Variants in PLCH1 observed in about 807,000 individuals in gnomAD.
PLCH1 encodes phospholipase C eta 1.
A neutral mutation model predicts 126.7 loss-of-function variants in PLCH1; 60 were observed. That is an observed-to-expected ratio of 0.47 (90% CI 0.38 to 0.59). The LOEUF (loss-of-function observed/expected upper bound fraction) is 0.59. PLCH1 is among the 20% of genes least tolerant of loss of function. The pLI, the probability that PLCH1 is intolerant of heterozygous loss-of-function variation, is 0.00. For missense variants in PLCH1, 1,723 were observed against 2,040.0 expected (o/e 0.84, Z 2.99); for synonymous variants, 719 against 734.9 (o/e 0.98, Z 0.35).
At chr3:155,469,423 C>T (rs1304553520) in intron 21 of PLCH1, among the ~76,000 whole-genome samples, 7 of 152,214 alleles carry the variant, frequency 4.6e-5, no homozygotes, top group Non-Finnish European at 1.0e-4. Flanking sequence ...TCGGAGGGTC[C>T]TACGCCCATG....
chr3:155,729,835 G>A (rs1487110264), intron 1 of PLCH1, among the ~76,000 whole-genome samples: 1 of 150,264 alleles, frequency 6.7e-6, no homozygotes, highest in Non-Finnish European at 1.5e-5. Flanking sequence ...GGAGTGGGAG[G>A]ATCACTTGAG....
At chr3:155,561,972 C>T (rs900564044) in intron 8 of PLCH1, among the ~76,000 whole-genome samples, 1 of 152,016 alleles carries the variant, frequency 6.6e-6, no homozygotes, top group Non-Finnish European at 1.5e-5. Context: ...AGTAGAGATG[C>T]GGTTTCACCA....
intron 2 of PLCH1, among the ~76,000 whole-genome samples, chr3:155,685,147 A>G (rs867990986): frequency 6.6e-6 from 1 of 152,164 alleles, no homozygotes; most frequent in Non-Finnish European, 1.5e-5. Flanking sequence ...TAGTTTTCCA[A>G]TTGTCGGAAG....
Position 155,512,058 on chromosome 3 carries a change from G to A in PLCH1, c.1632+2665C>T, listed in dbSNP as rs576200683. Among the ~76,000 whole-genome samples the A allele has an allele frequency of 3.3e-5, 5 of 150,320 alleles. 1 individual carries two copies. The East Asian group carries it at 6.0e-4, about 18-fold the overall frequency. On this transcript the variant is annotated intron_variant, in intron 12 of 22. Transcript: ENST00000460012. ...GGTGTGGGATATAGTCTCGTGGTGC[G>A]CCGTTTCTTAAGCCGGTCTGAAAAG...
chr3:155,469,902 C>T (rs1472784209), intron 21 of PLCH1, among the ~76,000 whole-genome samples: 1 of 152,088 alleles, frequency 6.6e-6, no homozygotes, highest in Non-Finnish European at 1.5e-5. Flanking sequence ...ACAGAAAGGA[C>T]ATCCACACCA....
chr3:155,479,156 TA>T (rs1469288554), downstream of PLCH1, among the ~76,000 whole-genome samples: 7 of 152,156 alleles, frequency 4.6e-5, no homozygotes, highest in Non-Finnish European at 1.0e-4. Context: ...CGTCAAATCC[TA>T]AAGGGCAGCT....
intron 2 of PLCH1, among the ~76,000 whole-genome samples, chr3:155,624,354 C>A (rs1259777498): frequency 6.6e-6 from 1 of 152,196 alleles, no homozygotes; most frequent in East Asian, 1.9e-4. Context: ...ACAAGGATGC[C>A]CTCTCTCACC....
Position 155,456,327 on chromosome 3 carries a change from T to C in PLCH1, c.2938+29029A>G, listed in dbSNP as rs1043353740. ...AAAATACACTAACACTAATGATAGC[T>C]AATGAGCTAAAAAAAAAAAAAAAAA... On this transcript the variant is annotated intron_variant, in intron 21 of 21. Coordinates refer to the PLCH1 transcript ENST00000494598. 1.1e-4 allele frequency among the ~76,000 whole-genome samples: 14 copies of C among 133,186 alleles called. 1 individual carries two copies. Among genetic ancestry groups the C allele is most frequent in the Admixed American group, 2.2e-4 (3 of 13,644 alleles). 87.4% of individuals were successfully genotyped at this position (133,186 alleles called of 152,430 possible).
intron 2 of PLCH1, among the ~76,000 whole-genome samples, 200 bp from the exon 3 acceptor site, chr3:155,596,578 GA>G (rs34847648): frequency 0.61 from 83,139 of 135,644 alleles, 25,226 homozygotes; most frequent in Middle Eastern, 0.76. Context: ...CTTACTAACA[GA>G]AAAAAAAAAA....
chr3:155,490,719 T>G, intron 19 of PLCH1, 65 bp downstream of exon 19: 8 of 923,712 alleles, frequency 8.7e-6, no homozygotes, highest in Non-Finnish European at 1.4e-5. Context: ...ATAGACACTT[T>G]TTTTAGTGTA....
intron 8 of PLCH1, among the ~76,000 whole-genome samples, chr3:155,555,560 A>C (rs191063711): frequency 8.5e-5 from 13 of 152,294 alleles, no homozygotes; most frequent in Admixed American, 6.5e-4. Flanking sequence ...AGGAAATTTG[A>C]AGTTTTATTG....
rs1181049495 is a variant in PLCH1 at position 155,550,054 on chromosome 3, T to C, written c.1191-96A>G. On this transcript the variant is annotated intron_variant, in intron 9 of 22. Coordinates refer to ENST00000460012, the MANE Select transcript of PLCH1 (RefSeq NM_014996.4). ...AGTATTCACTGTGTTGTTACAATCC[T>C]AGTGACAGTATTTGCGATACTGATG... The C allele has an allele frequency of 3.7e-6, 3 of 802,240 alleles. No individual in the cohort carries two copies. The East Asian group carries it at 7.6e-5, about 20-fold the overall frequency. 49.7% of individuals were successfully genotyped at this position (802,240 alleles called of 1,614,324 possible). A position where few individuals can be genotyped will look rare whatever the true frequency, so the allele number is the denominator to read the frequency against.
intron 2 of PLCH1, among the ~76,000 whole-genome samples, chr3:155,692,775 T>G (rs1244965367): frequency 1.4e-5 from 2 of 142,938 alleles, no homozygotes; most frequent in African/African-American, 5.3e-5. Flanking sequence ...TTTTTTTTTT[T>G]GAGATGAGTC....
chr3:155,539,068 G>A (rs1384437787), intron 10 of PLCH1, among the ~76,000 whole-genome samples: 5 of 152,082 alleles, frequency 3.3e-5, no homozygotes, highest in Non-Finnish European at 5.9e-5. Context: ...GATCGAGTGG[G>A]TTTCATACCA....
intron 18 of PLCH1, among the ~76,000 whole-genome samples, chr3:155,491,897 A>AT (rs910115906): frequency 5.9e-5 from 9 of 152,168 alleles, no homozygotes; most frequent in African/African-American, 2.2e-4. Context: ...AGGGGGAAAT[A>AT]TCTTGTATTG....
At chr3:155,741,310 G>A (rs1478398044) in intron 1 of PLCH1, among the ~76,000 whole-genome samples, 3 of 152,182 alleles carry the variant, frequency 2.0e-5, no homozygotes, top group Non-Finnish European at 4.4e-5. Flanking sequence ...CCAGGCCGAG[G>A]AGGCATTGTT....
At chr3:155,460,782 TATAGA>T (rs1178961893) in intron 21 of PLCH1, among the ~76,000 whole-genome samples, 1 of 144,256 alleles carries the variant, frequency 6.9e-6, no homozygotes, top group Non-Finnish European at 1.5e-5. Flanking sequence ...GATAGATAGA[TATAGA>T]AGATAGATAG....
chr3:155,636,423 C>T (rs1738726350), intron 2 of PLCH1, among the ~76,000 whole-genome samples: 1 of 152,110 alleles, frequency 6.6e-6, no homozygotes, highest in Non-Finnish European at 1.5e-5. Context: ...CTTCTAGGTG[C>T]TATTTAACTT....
At chr3:155,738,515 G>A (rs1251483050) in intron 1 of PLCH1, among the ~76,000 whole-genome samples, 1 of 152,092 alleles carries the variant, frequency 6.6e-6, no homozygotes, top group Admixed American at 6.5e-5. Context: ...GGGGCGCAGT[G>A]GCTCACGCCT....
Sources: gnomAD v4.1 joint callset for allele counts (sites outside exome capture counted in the v4.1 genomes callset) on GRCh38, gnomAD v4.1.1 for gene constraint, MANE v1.5 for transcripts, NCBI Gene and HGNC (gene_info 2026-07-23, HGNC 2026-07-21) for gene names.